The following IL1RAPL2 variants were observed in gnomAD, a reference collection of about 807,000 sequenced individuals.
IL1RAPL2 encodes the protein interleukin 1 receptor accessory protein like 2.
In IL1RAPL2, 3 loss-of-function variants were observed where a neutral mutation model predicts 44.1. The ratio of observed to expected loss-of-function variants is 0.07; its 90% CI spans 0.03 to 0.18. IL1RAPL2 has a LOEUF of 0.18. Among genes scored for constraint, IL1RAPL2 ranks in the 10% least tolerant of loss-of-function variants. The pLI is 1.00. For synonymous variants in IL1RAPL2, 181 were observed against 178.8 expected, an observed-to-expected ratio of 1.01 and a Z score of -0.10; for missense variants, 391 against 496.4, an observed-to-expected ratio of 0.79 and a Z score of 2.02.
chrX:104,586,497 G>A (rs1928567227), intron 1 of IL1RAPL2, among the ~76,000 whole-genome samples: 1 of 111,468 alleles, frequency 9.0e-6, no homozygotes, highest in Non-Finnish European at 1.9e-5. Flanking sequence ...TATTTTGAGA[G>A]ATGTTGCTTA....
chrX:104,895,268 G>T (rs1158602867), intron 2 of IL1RAPL2, among the ~76,000 whole-genome samples: 2 of 112,564 alleles, frequency 1.8e-5, no homozygotes, highest in Middle Eastern at 4.6e-3. Flanking sequence ...TCCGTTCTCA[G>T]TTCTCAAACT....
intron 1 of IL1RAPL2, among the ~76,000 whole-genome samples, chrX:104,604,989 C>T (rs767243651): frequency 1.8e-5 from 2 of 111,473 alleles, no homozygotes; most frequent in South Asian, 7.6e-4. Flanking sequence ...CTACAGAACT[C>T]TCCACCCCAA....
At chrX:104,969,701 G>A (rs6652906) in intron 2 of IL1RAPL2, among the ~76,000 whole-genome samples, 1,260 of 111,325 alleles carry the variant, frequency 0.011, 19 homozygotes, top group African/African-American at 0.039. Context: ...GTTATGAGCA[G>A]GTGTAACCTT....
intron 2 of IL1RAPL2, among the ~76,000 whole-genome samples, chrX:104,847,187 C>CTTTA (rs2046271592): frequency 8.9e-6 from 1 of 111,854 alleles, no homozygotes; most frequent in Admixed American, 9.5e-5. Context: ...TGCAGAAGCT[C>CTTTA]TTTAGTTTAA....
chrX:104,665,189 G>GA (rs1195353669), intron 2 of IL1RAPL2, among the ~76,000 whole-genome samples: 1 of 110,428 alleles, frequency 9.1e-6, no homozygotes, highest in Non-Finnish European at 1.9e-5. Flanking sequence ...CAAAATTATA[G>GA]AAAAAATAAT....
chrX:105,506,856 C>T (rs1254586021), intron 6 of IL1RAPL2, among the ~76,000 whole-genome samples: 1 of 111,708 alleles, frequency 9.0e-6, no homozygotes, highest in Non-Finnish European at 1.9e-5. Flanking sequence ...AAAACATGAC[C>T]TATTTAAGAT....
intron 3 of IL1RAPL2, among the ~76,000 whole-genome samples, chrX:105,205,884 G>A (rs782300087): frequency 9.0e-6 from 1 of 110,653 alleles, no homozygotes; most frequent in African/African-American, 3.3e-5. Flanking sequence ...AGGGGGAGAA[G>A]CAAGAAGACC....
At chrX:104,748,481 A>C (rs771630626) in intron 2 of IL1RAPL2, among the ~76,000 whole-genome samples, 1 of 111,461 alleles carries the variant, frequency 9.0e-6, no homozygotes, top group Non-Finnish European at 1.9e-5. Context: ...AATCTAGTTG[A>C]CCAAATAGAA....
chrX:105,473,577 C>T (rs1357213305), intron 5 of IL1RAPL2, among the ~76,000 whole-genome samples: 1 of 112,181 alleles, frequency 8.9e-6, no homozygotes, highest in African/African-American at 3.2e-5. Context: ...ATCCTCATTA[C>T]GGACTGTTAG....
chrX:105,638,877 T>C (rs1339628574), intron 6 of IL1RAPL2, among the ~76,000 whole-genome samples: 1 of 112,085 alleles, frequency 8.9e-6, no homozygotes, highest in Admixed American at 9.4e-5. Context: ...ACCTGGGTTA[T>C]ATTTTTTTCT....
chrX:104,888,616 C>G (rs1354537193), intron 2 of IL1RAPL2, among the ~76,000 whole-genome samples: 2 of 110,646 alleles, frequency 1.8e-5, no homozygotes, highest in African/African-American at 6.6e-5. Context: ...CTACAAGACT[C>G]TCAACCTAAC....
chrX:104,674,964 T>C (rs1466186507), intron 2 of IL1RAPL2, among the ~76,000 whole-genome samples: 1 of 109,178 alleles, frequency 9.2e-6, no homozygotes, highest in Admixed American at 9.9e-5. Flanking sequence ...TAATTTTTTA[T>C]TGCGTCTATT....
At chrX:105,078,062 T>C (rs61413567) in intron 2 of IL1RAPL2, among the ~76,000 whole-genome samples, 2,012 of 112,189 alleles carry the variant, frequency 0.018, 49 homozygotes, top group African/African-American at 0.062. Context: ...CCAGCTTTGT[T>C]CCGTTGCTGG....
chrX:105,341,743 AAC>A (rs1338668967), intron 5 of IL1RAPL2, among the ~76,000 whole-genome samples: 1 of 110,956 alleles, frequency 9.0e-6, no homozygotes, highest in African/African-American at 3.3e-5. Context: ...TATCCTGGCT[AAC>A]ACGGTGAAAC....
At chrX:104,645,788 A>T (rs1930025993) in intron 1 of IL1RAPL2, among the ~76,000 whole-genome samples, 1 of 112,706 alleles carries the variant, frequency 8.9e-6, no homozygotes, top group African/African-American at 3.2e-5. Context: ...AAATTAATGG[A>T]TCTTAGGAGC....
At chrX:104,880,832 A>C (rs755346041) in intron 2 of IL1RAPL2, among the ~76,000 whole-genome samples, 1 of 112,162 alleles carries the variant, frequency 8.9e-6, no homozygotes, top group African/African-American at 3.2e-5. Context: ...GGTGCAATAG[A>C]ATAAGCAATC....
intron 2 of IL1RAPL2, among the ~76,000 whole-genome samples, chrX:104,670,285 G>A (rs1431716633): frequency 9.0e-6 from 1 of 111,470 alleles, no homozygotes; most frequent in East Asian, 2.9e-4. Context: ...AGAACCTGGA[G>A]TCTGACGTCC....
intron 2 of IL1RAPL2, among the ~76,000 whole-genome samples, chrX:104,913,008 A>T (rs1266692470): frequency 8.9e-6 from 1 of 111,776 alleles, no homozygotes; most frequent in African/African-American, 3.2e-5. Context: ...GGATAGTAAG[A>T]GTAAGACTGT....
intron 6 of IL1RAPL2, among the ~76,000 whole-genome samples, chrX:105,665,344 C>CGCGTGTGTGTGTGT (rs1197936624): frequency 5.1e-5 from 5 of 98,553 alleles, no homozygotes; most frequent in Admixed American, 2.2e-4. Context: ...TATGCGCGTG[C>CGCGTGTGTGTGTGT]GTGTGTGTGT....
Sources: allele counts gnomAD v4.1 joint callset (sites outside exome capture counted in the v4.1 genomes callset), GRCh38; gene constraint gnomAD v4.1.1; transcripts MANE v1.5; gene names NCBI Gene and HGNC (gene_info 2026-07-23, HGNC 2026-07-21).